NELL1: variants seen among roughly 807,000 people sequenced by gnomAD.
NELL1 encodes the protein protein kinase C-binding protein NELL1.
Under a neutral mutation model 107.4 loss-of-function variants are expected in NELL1, and 76 were observed. The ratio of observed to expected loss-of-function variants is 0.71; its 90% CI spans 0.59 to 0.86. The LOEUF (loss-of-function observed/expected upper bound fraction) is 0.86, where lower values mean the gene tolerates loss of function less well. NELL1 is among the 40% of genes least tolerant of loss of function. The pLI is 0.00. For synonymous variants in NELL1, 353 were observed against 341.2 expected, an observed-to-expected ratio of 1.03 and a Z score of -0.38; for missense variants, 1,024 against 1,005.5, an observed-to-expected ratio of 1.02 and a Z score of -0.25.
chr11:21,379,536 A>AT (rs1313149570), intron 15 of NELL1, among the ~76,000 whole-genome samples: 4 of 152,092 alleles, frequency 2.6e-5, no homozygotes, highest in African/African-American at 7.2e-5. Context: ...ATTTTGAGTG[A>AT]TTTTCTCCTG....
intron 13 of NELL1, among the ~76,000 whole-genome samples, chr11:21,155,470 G>T (rs1253171052): frequency 6.6e-6 from 1 of 152,116 alleles, no homozygotes; most frequent in Non-Finnish European, 1.5e-5. Context: ...AGTGTTTAAG[G>T]AAAAGTATGT....
At chr11:20,937,063 T>A (rs545391571) in intron 9 of NELL1, among the ~76,000 whole-genome samples, 1 of 152,336 alleles carries the variant, frequency 6.6e-6, no homozygotes, top group South Asian at 2.1e-4. Flanking sequence ...TAGGATCATA[T>A]CAAATTGACA....
chr11:21,278,369 G>T (rs1431250510), intron 14 of NELL1, among the ~76,000 whole-genome samples: 2 of 152,040 alleles, frequency 1.3e-5, no homozygotes, highest in African/African-American at 4.8e-5. Context: ...TACATACCAT[G>T]ATTATCTAAG....
chr11:21,549,978 G>A (rs1856537845), intron 16 of NELL1, among the ~76,000 whole-genome samples: 1 of 151,778 alleles, frequency 6.6e-6, no homozygotes, highest in African/African-American at 2.4e-5. Flanking sequence ...TTTACAAAAA[G>A]CTGAAAGGGT....
chr11:21,407,571 C>A (rs1852265808), intron 15 of NELL1, among the ~76,000 whole-genome samples: 2 of 151,810 alleles, frequency 1.3e-5, no homozygotes, highest in Non-Finnish European at 2.9e-5. Context: ...TATTCCACAG[C>A]CCAACTCTAG....
At chr11:20,974,068 T>C (rs1851555473) in intron 12 of NELL1, among the ~76,000 whole-genome samples, 1 of 152,214 alleles carries the variant, frequency 6.6e-6, no homozygotes, top group African/African-American at 2.4e-5. Context: ...AGCATTCTCT[T>C]TACAAGTGCC....
At chr11:21,091,553 A>T (rs1854521427) in intron 12 of NELL1, among the ~76,000 whole-genome samples, 1 of 152,204 alleles carries the variant, frequency 6.6e-6, no homozygotes, top group South Asian at 2.1e-4. Context: ...TTATCTCACC[A>T]TGCTTCTAAT....
chr11:21,546,770 C>A (rs1856453502), intron 16 of NELL1, among the ~76,000 whole-genome samples: 1 of 152,038 alleles, frequency 6.6e-6, no homozygotes, highest in African/African-American at 2.4e-5. Context: ...TGGACTAATA[C>A]AATTATCTAC....
intron 2 of NELL1, among the ~76,000 whole-genome samples, chr11:20,774,312 C>T (rs1856705638): frequency 1.4e-5 from 2 of 145,338 alleles, no homozygotes; most frequent in South Asian, 4.7e-4. Flanking sequence ...TCCCTCCCTT[C>T]CTCTCCTTTC....
intron 12 of NELL1, among the ~76,000 whole-genome samples, chr11:21,038,678 TATC>T (rs1853153943): frequency 6.6e-6 from 1 of 152,174 alleles, no homozygotes; most frequent in South Asian, 2.1e-4. Context: ...CCATTGCATT[TATC>T]ATGATCTGAA....
intron 3 of NELL1, among the ~76,000 whole-genome samples, chr11:20,837,984 G>T (rs1358066361): frequency 6.6e-6 from 1 of 152,110 alleles, no homozygotes; most frequent in East Asian, 1.9e-4. Context: ...TCCTTCCAAA[G>T]AGGACAGTAT....
intron 13 of NELL1, among the ~76,000 whole-genome samples, chr11:21,152,423 G>A (rs1856139631): frequency 6.6e-6 from 1 of 152,158 alleles, no homozygotes; most frequent in South Asian, 2.1e-4. Context: ...AACCAGCAAA[G>A]ACAGCTTCAA....
At chr11:20,790,045 G>C (rs912905583) in intron 3 of NELL1, among the ~76,000 whole-genome samples, 9 of 152,222 alleles carry the variant, frequency 5.9e-5, no homozygotes, top group Non-Finnish European at 1.0e-4. Context: ...GTGCATGCCA[G>C]TTGGCCCATG....
intron 12 of NELL1, among the ~76,000 whole-genome samples, chr11:21,107,545 A>G (rs190052360): frequency 1.7e-4 from 26 of 152,246 alleles, no homozygotes; most frequent in African/African-American, 6.0e-4. Context: ...AGTTGCTCTT[A>G]GTTTTCAGGG....
rs369097491 is a variant in NELL1 at position 20,879,249 on chromosome 11, T to G, written c.507-6195T>G. 4.6e-5 allele frequency among the ~76,000 whole-genome samples: 7 copies of G among 152,274 alleles called. No homozygotes were observed. The East Asian group carries it at 9.6e-4, about 21-fold the overall frequency. On this transcript the variant is annotated intron_variant, in intron 4 of 19. Transcript: ENST00000357134. ...GGGTCATGGAAGCTACCGTGTCACA[T>G]GCTGAAGAGCTGAGGAATGCGTCTG... is the stretch of plus-strand genomic sequence containing the variant.
intron 2 of NELL1, among the ~76,000 whole-genome samples, chr11:20,761,791 T>TA (rs1355023352): frequency 4.6e-5 from 7 of 152,338 alleles, no homozygotes; most frequent in African/African-American, 1.4e-4. Flanking sequence ...AGGTTTGCTT[T>TA]AAAAAAATAA....
intron 2 of NELL1, among the ~76,000 whole-genome samples, chr11:20,704,321 T>C (rs1854880934): frequency 6.6e-6 from 1 of 152,174 alleles, no homozygotes; most frequent in Admixed American, 6.5e-5. Flanking sequence ...AGACTAGGAT[T>C]GCAACCCTTG....
At chr11:21,154,943 A>G (rs938665098) in intron 13 of NELL1, among the ~76,000 whole-genome samples, 4 of 152,162 alleles carry the variant, frequency 2.6e-5, no homozygotes, top group Admixed American at 1.3e-4. Context: ...AATTTATAGG[A>G]CTGGGTTGTA....
At chr11:21,492,263 G>T (rs1854842027) in intron 15 of NELL1, among the ~76,000 whole-genome samples, 1 of 152,050 alleles carries the variant, frequency 6.6e-6, no homozygotes, top group Admixed American at 6.6e-5. Context: ...TGGAGAGGAT[G>T]TGGAGAAATA....
Sources: allele counts gnomAD v4.1 joint callset (sites outside exome capture counted in the v4.1 genomes callset), GRCh38; gene constraint gnomAD v4.1.1; transcripts MANE v1.5; gene names NCBI Gene and HGNC (gene_info 2026-07-23, HGNC 2026-07-21).